The following ARB2A variants were observed in gnomAD, a reference collection of about 807,000 sequenced individuals.
ARB2A encodes cotranscriptional regulator ARB2A.
At chr5:93,707,797 A>G in the ARB2A span, among the ~76,000 whole-genome samples, 80 of 151,718 alleles carry the variant, frequency 5.3e-4, no homozygotes, top group Admixed American at 1.0e-3. Flanking sequence ...CTGGTCTTGT[A>G]CTCCTGACCT....
the ARB2A span, among the ~76,000 whole-genome samples, chr5:93,715,094 G>A: frequency 1.3e-5 from 2 of 151,940 alleles, no homozygotes; most frequent in Non-Finnish European, 2.9e-5. Flanking sequence ...TGAAACAAGA[G>A]GATTGTACTC....
chr5:93,876,349 A>G, the ARB2A span, among the ~76,000 whole-genome samples: 1 of 152,180 alleles, frequency 6.6e-6, no homozygotes, highest in Non-Finnish European at 1.5e-5. Flanking sequence ...GGCAAGTCTG[A>G]CATGATGTGT....
the ARB2A span, among the ~76,000 whole-genome samples, chr5:93,703,357 T>G: frequency 3.3e-5 from 5 of 152,308 alleles, no homozygotes; most frequent in South Asian, 1.0e-3. Context: ...CATGAACCTC[T>G]GTTTACTCAT....
At chr5:93,964,908 C>T in the ARB2A span, among the ~76,000 whole-genome samples, 2 of 151,896 alleles carry the variant, frequency 1.3e-5, no homozygotes, top group Non-Finnish European at 2.9e-5. Flanking sequence ...AATCTCAACA[C>T]CTCTTTTGTG....
the ARB2A span, among the ~76,000 whole-genome samples, chr5:94,086,654 G>A: frequency 1.3e-5 from 2 of 152,170 alleles, no homozygotes; most frequent in Non-Finnish European, 2.9e-5. Flanking sequence ...CTGGATTCAA[G>A]CGATTCTCCT....
At chr5:93,909,089 T>G in the ARB2A span, among the ~76,000 whole-genome samples, 23 of 151,146 alleles carry the variant, frequency 1.5e-4, no homozygotes, top group Middle Eastern at 3.4e-3. Context: ...GAATAAGAAG[T>G]ATACCTATAA....
At chr5:93,779,124 T>TGC in the ARB2A span, among the ~76,000 whole-genome samples, 1,133 of 146,356 alleles carry the variant, frequency 7.7e-3, 10 homozygotes, top group African/African-American at 0.014. Context: ...TGTGTGTGTG[T>TGC]GCGCGCGCGC....
At chr5:93,650,029 T>C in the ARB2A span, among the ~76,000 whole-genome samples, 3 of 151,922 alleles carry the variant, frequency 2.0e-5, no homozygotes, top group Admixed American at 6.6e-5. Context: ...TTACTGAGTA[T>C]GCAAAGAAAA....
At chr5:93,894,507 T>G in the ARB2A span, among the ~76,000 whole-genome samples, 1 of 152,136 alleles carries the variant, frequency 6.6e-6, no homozygotes, top group Non-Finnish European at 1.5e-5. Flanking sequence ...GCCTGCTGAA[T>G]GCAAAGTGAA....
the ARB2A span, among the ~76,000 whole-genome samples, chr5:93,967,346 T>C: frequency 0.017 from 2,658 of 152,228 alleles, 23 homozygotes; most frequent in Non-Finnish European, 0.026. Flanking sequence ...TAGGTACTAC[T>C]GACCTTACAA....
the ARB2A span, among the ~76,000 whole-genome samples, chr5:94,020,139 C>T: frequency 1.3e-5 from 2 of 151,970 alleles, no homozygotes; most frequent in African/African-American, 2.4e-5. Flanking sequence ...TGGAAACCAT[C>T]ATTCTCAACA....
the ARB2A span, among the ~76,000 whole-genome samples, chr5:93,697,116 C>T: frequency 1.5e-4 from 23 of 149,860 alleles, no homozygotes; most frequent in African/African-American, 4.9e-4. Flanking sequence ...ATCTTCCCGT[C>T]GTAGTGAGAA....
the ARB2A span, among the ~76,000 whole-genome samples, chr5:94,010,511 T>C: frequency 3.3e-3 from 505 of 152,240 alleles, 3 homozygotes; most frequent in Non-Finnish European, 3.2e-3. Flanking sequence ...AGCTCAAACT[T>C]TTCTTTCCTT....
chr5:93,692,198 G>A, the ARB2A span, among the ~76,000 whole-genome samples: 8 of 152,094 alleles, frequency 5.3e-5, no homozygotes, highest in Non-Finnish European at 5.9e-5. Context: ...AATGTAAATG[G>A]GTTAAAAGCC....
At chr5:93,712,565 T>TA in the ARB2A span, among the ~76,000 whole-genome samples, 1 of 152,092 alleles carries the variant, frequency 6.6e-6, no homozygotes, top group Non-Finnish European at 1.5e-5. Flanking sequence ...AAGATTCTAT[T>TA]AAAAAAATCT....
At chr5:93,741,102 C>T in the ARB2A span, 5 of 1,613,916 alleles carry the variant, frequency 3.1e-6, no homozygotes, top group Non-Finnish European at 4.2e-6. Context: ...CCTTCCCAAA[C>T]AGAGCTCCCA....
the ARB2A span, among the ~76,000 whole-genome samples, chr5:93,790,252 T>C: frequency 6.6e-6 from 1 of 152,196 alleles, no homozygotes; most frequent in African/African-American, 2.4e-5. Flanking sequence ...GCAGAGGACA[T>C]GGCACACAGT....
the ARB2A span, among the ~76,000 whole-genome samples, chr5:93,654,277 T>C: frequency 1.3e-5 from 2 of 152,194 alleles, no homozygotes; most frequent in East Asian, 3.9e-4. Context: ...GTGTAATAGT[T>C]GAAATTTGAA....
chr5:93,635,076 CT>C, the ARB2A span, among the ~76,000 whole-genome samples: 1 of 152,046 alleles, frequency 6.6e-6, no homozygotes, highest in Non-Finnish European at 1.5e-5. Context: ...ACCTGGCCTT[CT>C]TTGTCATTTT....
Sources: allele counts gnomAD v4.1 joint callset (sites outside exome capture counted in the v4.1 genomes callset), GRCh38; gene constraint gnomAD v4.1.1; transcripts MANE v1.5; gene names NCBI Gene and HGNC (gene_info 2026-07-23, HGNC 2026-07-21).